The following LARP6 variants were observed in gnomAD, a reference collection of about 807,000 sequenced individuals.
LARP6 encodes the protein La ribonucleoprotein 6, translational regulator.
In LARP6, 18 loss-of-function variants were observed where a neutral mutation model predicts 32.8. The ratio of observed to expected loss-of-function variants is 0.55; its 90% CI spans 0.38 to 0.81. The LOEUF (loss-of-function observed/expected upper bound fraction) is 0.81. LARP6 is among the 40% of genes least tolerant of loss of function. The pLI, the probability that LARP6 is intolerant of heterozygous loss-of-function variation, is 0.00. For synonymous variants in LARP6, 289 were observed against 267.2 expected (o/e 1.08, Z -0.80); for missense variants, 598 against 663.1 (o/e 0.90, Z 1.08).
chr15:70,854,064 G>A lies in LARP6; in HGVS notation c.25C>T (p.Arg9Trp), dbSNP rs1173032281. The change falls in exon 1 of 3, where the codon CGG (arginine) becomes TGG (tryptophan). Residue 9 changes from arginine (R) to tryptophan (W), a missense_variant. Arg to Trp is a moderately radical substitution (Grantham distance 101). This residue lies in a region of LARP6 where 161 missense variants were observed against 148.6 expected (regional missense o/e 1.08). Coordinates refer to ENST00000299213, the MANE Select transcript of LARP6 (RefSeq NM_018357.4). ...TGCACCGCCGTCTTGGGCCCGGGCC[G>A]AGCCTCCCCGCCGGACTGGGCCATG... MAQSGGEA[R>W]PGPKTAVQIR... is the part of the protein sequence containing the mutation. 7.2e-7 allele frequency: 1 copy of A among 1,382,418 alleles called. No individual in the cohort carries two copies. The highest frequency in any genetic ancestry group is 2.7e-5 in the Admixed American group (1 of 36,624). 85.6% of individuals were successfully genotyped at this position (1,382,418 alleles called of 1,614,324 possible).
intron 1 of LARP6, chr15:70,851,687 A>T: frequency 6.2e-7 from 1 of 1,614,188 alleles, no homozygotes; most frequent in South Asian, 1.1e-5. Flanking sequence ...TGAACGAAGC[A>T]AGCATGGTCC....
At chr15:70,851,840 G>A in intron 1 of LARP6, 1 of 1,524,070 alleles carries the variant, frequency 6.6e-7, no homozygotes, top group African/African-American at 1.4e-5. Flanking sequence ...GGGGATTGGG[G>A]GTGGTGGAGA....
At chr15:70,850,819 G>A (rs1037401087) in intron 1 of LARP6, among the ~76,000 whole-genome samples, 13 of 151,828 alleles carry the variant, frequency 8.6e-5, no homozygotes, top group African/African-American at 3.1e-4. Flanking sequence ...GTACAAAGGA[G>A]CAAGTAAAAT....
chr15:70,849,397 AT>A (rs2032408310), intron 1 of LARP6: 3 of 152,742 alleles, frequency 2.0e-5, no homozygotes, highest in Admixed American at 6.6e-5. Flanking sequence ...ACAAAAAAAT[AT>A]ATATATATTT....
chr15:70,846,716 C>G (rs181638363), intron 1 of LARP6, among the ~76,000 whole-genome samples: 1 of 151,664 alleles, frequency 6.6e-6, no homozygotes, highest in Non-Finnish European at 1.5e-5. Flanking sequence ...CTGGCTGTAA[C>G]CAGCATCAAA....
At chr15:70,848,575 T>C (rs1189134325) in intron 1 of LARP6, among the ~76,000 whole-genome samples, 6 of 151,998 alleles carry the variant, frequency 3.9e-5, no homozygotes. Flanking sequence ...CTACTAAAAA[T>C]ACAAAAATTA....
intron 1 of LARP6, among the ~76,000 whole-genome samples, chr15:70,840,912 C>T (rs1462210232): frequency 1.4e-5 from 2 of 139,494 alleles, no homozygotes; most frequent in Non-Finnish European, 3.1e-5. Context: ...TCTTTTCTCT[C>T]TTTTTTTTTT....
At chr15:70,840,455 G>A (rs2032232121) in intron 1 of LARP6, among the ~76,000 whole-genome samples, 1 of 152,148 alleles carries the variant, frequency 6.6e-6, no homozygotes, top group African/African-American at 2.4e-5. Flanking sequence ...CAAGAGAATC[G>A]CTTGAACCCG....
At chr15:70,842,623 G>A (rs1157252517) in intron 1 of LARP6, among the ~76,000 whole-genome samples, 1 of 152,120 alleles carries the variant, frequency 6.6e-6, no homozygotes, top group African/African-American at 2.4e-5. Flanking sequence ...CCTCAGGCAG[G>A]ACTGAAGCCT....
In LARP6 at chr15:70,831,817, A is replaced by G; in HGVS notation, c.*235T>C. Reference sequence around the variant, plus strand: ...CAGGGCCATCACACTCACACACATCAGCCATCATCAAAATAGTGGCCATGC... The same window carrying G: ...CAGGGCCATCACACTCACACACATCGGCCATCATCAAAATAGTGGCCATGC... On this transcript the variant is annotated 3_prime_UTR_variant, in exon 3 of 3. Coordinates refer to ENST00000299213, the MANE Select transcript of LARP6 (RefSeq NM_018357.4). 1 of 363,142 alleles carries G rather than the reference A, an allele frequency of 2.8e-6. No individual in the cohort carries two copies. Among genetic ancestry groups the G allele is most frequent in the Non-Finnish European group, 4.9e-6 (1 of 203,882 alleles). 22.5% of individuals were successfully genotyped at this position (363,142 alleles called of 1,614,324 possible).
At chr15:70,852,240 G>A (rs1420183285) in intron 1 of LARP6, 1 of 455,030 alleles carries the variant, frequency 2.2e-6, no homozygotes, top group Non-Finnish European at 4.4e-6. Context: ...AGAACCCCAG[G>A]GATTTTCTGG....
rs372312018 is a variant in LARP6, at chr15:70,836,067, C to T, written c.411+228G>A. On this transcript the variant is annotated intron_variant, in intron 2 of 2. Coordinates refer to ENST00000299213, the MANE Select transcript of LARP6 (RefSeq NM_018357.4). ...AACAAGTAACATTGTTTCATAACTG[C>T]TGCCAGCTGAGATTTGTCCCAATGC... Among the ~76,000 whole-genome samples, 58 of 152,324 alleles carry T rather than the reference C, an allele frequency of 3.8e-4. No individual in the cohort carries two copies. In the East Asian group the frequency reaches 6.6e-3, roughly 17 times the overall value.
chr15:70,853,994 T>C lies in LARP6; in HGVS notation c.95A>G (p.Glu32Gly). ...IQEAEDVDEL[E>G]DEEEGAETRG... ...AGTCTCCGCCCCCTCCTCCTCGTCCTCCAACTCGTCCACGTCCTCGGCCTC... is the reference window on the plus strand; with the variant it reads ...AGTCTCCGCCCCCTCCTCCTCGTCCCCCAACTCGTCCACGTCCTCGGCCTC... Residue 32 changes from glutamate (E) to glycine (G), a missense_variant, in exon 1 of 3, where the codon GAG becomes GGG. Around this residue, in one of 3 missense-constraint regions of LARP6, gnomAD observed 161 missense variants for 148.6 expected, o/e 1.08. Coordinates refer to ENST00000299213, the MANE Select transcript of LARP6 (RefSeq NM_018357.4). 6.8e-7 allele frequency: 1 copy of C among 1,464,224 alleles called. No individual in the cohort carries two copies. Among genetic ancestry groups the C allele is most frequent in the South Asian group, 1.3e-5 (1 of 75,836 alleles). 90.7% of individuals were successfully genotyped at this position (1,464,224 alleles called of 1,614,324 possible).
At chr15:70,851,460 C>T in intron 1 of LARP6, 1 of 1,300,726 alleles carries the variant, frequency 7.7e-7, no homozygotes, top group Non-Finnish European at 9.9e-7. Context: ...CTTTATTGTT[C>T]ATTTATTCTG....
chr15:70,832,398 G>C lies in LARP6; in HGVS notation c.1130C>G (p.Pro377Arg), dbSNP rs2032062180. 6.2e-7 allele frequency: 1 copy of C among 1,605,338 alleles called. No homozygotes were observed. Among genetic ancestry groups the C allele is most frequent in the East Asian group, 2.2e-5 (1 of 44,850 alleles). Residue 377 changes from proline to arginine, a missense_variant, in exon 3 of 3, where the codon CCG (proline) becomes CGG (arginine). By Grantham distance (103) the Pro-to-Arg change is moderately radical. Coordinates refer to ENST00000299213, the MANE Select transcript of LARP6 (RefSeq NM_018357.4). ...GGGGCTGCTCCAAGGACTTGTGCAC[G>C]GGGAGGCATTTGGACTCAGAAAGAG... is the stretch of plus-strand genomic sequence containing the variant. ...QNLFLSPNAS[P>R]CTSPWSSPLA...
intron 1 of LARP6, among the ~76,000 whole-genome samples, chr15:70,847,371 ATTT>A (rs893881453): frequency 2.1e-5 from 3 of 145,110 alleles, no homozygotes; most frequent in East Asian, 2.0e-4. Context: ...TCAGTGCTGA[ATTT>A]TTTTTTTTTT....
rs762833968 is a variant in LARP6, at chr15:70,832,439, C to T, written c.1089G>A (p.Pro363=). ...TCAGAAAGAGATTCTGGTGGCCAGA[C>T]GGGCTGAGCTTGTTGGTGGCCGCGT... The part of the protein sequence containing the change: ...RRHAATNKLS[P]SGHQNLFLSP... The change falls in exon 3 of 3, where the codon CCG becomes CCA. Residue 363 remains proline (P), a synonymous_variant. Transcript: ENST00000299213. 2.0e-5 allele frequency: 32 copies of T among 1,573,470 alleles called. No individual in the cohort carries two copies. Among genetic ancestry groups the T allele is most frequent in the Admixed American group, 5.5e-5 (3 of 54,230 alleles).
At chr15:70,838,974 T>C (rs943461717) in intron 1 of LARP6, among the ~76,000 whole-genome samples, 2 of 150,000 alleles carry the variant, frequency 1.3e-5, no homozygotes, top group African/African-American at 4.9e-5. Context: ...AAAAATATTC[T>C]GGCAAGAGAG....
At chr15:70,851,492 T>C in intron 1 of LARP6, 1 of 1,417,278 alleles carries the variant, frequency 7.1e-7, no homozygotes, top group African/African-American at 1.4e-5. Context: ...AAGCTAGGTA[T>C]TAGGCTAGGT....
Sources: gnomAD v4.1 joint callset for allele counts (sites outside exome capture counted in the v4.1 genomes callset) on GRCh38, gnomAD v4.1.1 for gene constraint, gnomAD v4.1.1 regional missense constraint, MANE v1.5 for transcripts, NCBI Gene and HGNC (gene_info 2026-07-23, HGNC 2026-07-21) for gene names.